The following TNFAIP8 variants were observed in gnomAD, a reference collection of about 807,000 sequenced individuals.
TNFAIP8 encodes the protein TNF alpha induced protein 8, also known as tumor necrosis factor alpha-induced protein 8.
TNFAIP8 carries 7 observed loss-of-function variants against 13.3 expected under a neutral mutation model. The ratio of observed to expected loss-of-function variants is 0.52; its 90% confidence interval spans 0.30 to 0.99. TNFAIP8 has a LOEUF of 0.99. Ranked by LOEUF, TNFAIP8 falls within the 50% of genes least tolerant of loss-of-function variation. TNFAIP8 has a pLI of 0.07. For synonymous variants in TNFAIP8, 94 were observed against 87.6 expected (o/e 1.07, Z -0.41); for missense variants, 258 against 236.9 (o/e 1.09, Z -0.58).
chr5:119,308,155 TTAGA>T (rs1268394078), intron 1 of TNFAIP8, among the ~76,000 whole-genome samples: 3 of 152,176 alleles, frequency 2.0e-5, no homozygotes, highest in African/African-American at 7.2e-5. Context: ...AATAATATTA[TTAGA>T]TAAATATTAC....
At chr5:119,342,814 C>T (rs139054356) in intron 1 of TNFAIP8, among the ~76,000 whole-genome samples, 5 of 152,262 alleles carry the variant, frequency 3.3e-5, no homozygotes, top group South Asian at 2.1e-4. Context: ...CTTTGGCTGG[C>T]GTTACTTTTT....
rs61219872 is a variant in TNFAIP8, at chr5:119,275,359, A to G, written c.1+6452A>G. Among the ~76,000 whole-genome samples, 932 of 152,320 alleles carry G rather than the reference A, an allele frequency of 6.1e-3. 13 individuals are homozygous for G. The highest frequency in any genetic ancestry group is 0.021 in the African/African-American group (866 of 41,572). On this transcript the variant is annotated intron_variant, in intron 1 of 1. Transcript: ENST00000274456. ...TTGAGTCACCAACAATGCTGACATC[A>G]TAAATCCAGTATGCCAGCTGACTTA...
intron 1 of TNFAIP8, among the ~76,000 whole-genome samples, chr5:119,299,262 T>C (rs1021748475): frequency 6.6e-6 from 1 of 152,192 alleles, no homozygotes; most frequent in African/African-American, 2.4e-5. Flanking sequence ...TCTTTGATGA[T>C]GGTGATGTAC....
chr5:119,347,192 G>T (rs1321403149), intron 1 of TNFAIP8, among the ~76,000 whole-genome samples: 3 of 152,190 alleles, frequency 2.0e-5, no homozygotes, highest in Non-Finnish European at 4.4e-5. Flanking sequence ...TGCTCACAGT[G>T]TAAAAGTCCA....
intron 1 of TNFAIP8, among the ~76,000 whole-genome samples, chr5:119,280,538 A>G (rs1013606576): frequency 6.6e-6 from 1 of 152,114 alleles, no homozygotes; most frequent in African/African-American, 2.4e-5. Flanking sequence ...ATCTGGATCC[A>G]GAGACTTGAT....
At chr5:119,299,512 C>G (rs1036189079) in intron 1 of TNFAIP8, among the ~76,000 whole-genome samples, 1 of 152,176 alleles carries the variant, frequency 6.6e-6, no homozygotes, top group Non-Finnish European at 1.5e-5. Flanking sequence ...TGTCAGTCTG[C>G]CTCTACTGGG....
rs1424645268 is a variant in TNFAIP8 at position 119,395,759 on chromosome 5, T to A, written c.*2378T>A. The A allele has an allele frequency of 6.6e-6, 1 of 152,158 alleles. No homozygotes were observed. The highest frequency in any genetic ancestry group is 2.4e-5 in the African/African-American group (1 of 41,440). The allele number at this position is 152,158 out of a possible 1,614,324, so 9.4% of individuals were successfully genotyped here. ...TACAATAGGACTCCCCTTGAGCATT[T>A]AGGGTGGCAAGGAGCGTGGGAGCTG... On this transcript the variant is annotated 3_prime_UTR_variant, in exon 2 of 2. Transcript: ENST00000504771.
intron 1 of TNFAIP8, among the ~76,000 whole-genome samples, chr5:119,322,713 G>A (rs570918538): frequency 2.0e-5 from 3 of 152,198 alleles, no homozygotes; most frequent in East Asian, 1.9e-4. Context: ...ATATCAAAAC[G>A]TTGGTATTTC....
Position 119,398,139 on chromosome 5 carries a change from A to G in TNFAIP8, c.*4758A>G, listed in dbSNP as rs574430192. The G allele has an allele frequency of 2.9e-4, 44 of 152,376 alleles. No homozygotes were observed. Among genetic ancestry groups the G allele is most frequent in the African/African-American group, 1.0e-3 (43 of 41,590 alleles). 9.4% of individuals were successfully genotyped at this position (152,376 alleles called of 1,614,324 possible). ...GAGATCTTTATAAGATTAGACAGCC[A>G]GTGGATAAGGCCCCTTATCTTTCTT... On this transcript the variant is annotated 3_prime_UTR_variant, in exon 2 of 2. Coordinates refer to ENST00000504771, the MANE Select transcript of TNFAIP8 (RefSeq NM_014350.4).
intron 1 of TNFAIP8, among the ~76,000 whole-genome samples, chr5:119,343,793 G>T (rs375786413): frequency 6.6e-6 from 1 of 152,294 alleles, no homozygotes; most frequent in South Asian, 2.1e-4. Flanking sequence ...ACCTGAGTAT[G>T]GCTTTGGGTA....
upstream of TNFAIP8, chr5:119,355,792 C>T: frequency 6.1e-6 from 3 of 494,134 alleles, no homozygotes; most frequent in Non-Finnish European, 8.2e-6. Flanking sequence ...GCCCCACCTG[C>T]GTGCGCCCGG....
At chr5:119,341,336 A>G (rs568834790) in intron 1 of TNFAIP8, among the ~76,000 whole-genome samples, 4 of 152,318 alleles carry the variant, frequency 2.6e-5, no homozygotes, top group African/African-American at 9.6e-5. Context: ...CTATGTGAAC[A>G]ATCTCAAGTC....
chr5:119,390,968 G>A (rs149192768), intron 1 of TNFAIP8, among the ~76,000 whole-genome samples: 2,665 of 149,260 alleles, frequency 0.018, 73 homozygotes, highest in African/African-American at 0.061. Flanking sequence ...ACAGGTGCAT[G>A]CCACCACACC....
chr5:119,387,895 G>A (rs934979547), intron 1 of TNFAIP8, among the ~76,000 whole-genome samples: 8 of 152,062 alleles, frequency 5.3e-5, no homozygotes, highest in African/African-American at 1.7e-4. Flanking sequence ...TTTAAATACA[G>A]CATTATTCTT....
chr5:119,309,196 C>T (rs1276773754), intron 1 of TNFAIP8, among the ~76,000 whole-genome samples: 1 of 152,212 alleles, frequency 6.6e-6, no homozygotes, highest in African/African-American at 2.4e-5. Context: ...TACTTTCTCA[C>T]CTTCAGTGAC....
chr5:119,272,348 T>G (rs554180133), intron 1 of TNFAIP8, among the ~76,000 whole-genome samples: 1 of 152,200 alleles, frequency 6.6e-6, no homozygotes, highest in Non-Finnish European at 1.5e-5. Flanking sequence ...ACCCTTCTCA[T>G]GTTTACATGA....
rs1412149791 is a variant in TNFAIP8, at chr5:119,300,637, T to A, written c.1+31730T>A. On this transcript the variant is annotated intron_variant, in intron 1 of 1. Transcript: ENST00000274456. Reference sequence around the variant, plus strand: ...ATAATTAACATTCTTAAAAAGGTAGTTTTTTGTTCCCGTTTTGCAATGAGG... The same window carrying A: ...ATAATTAACATTCTTAAAAAGGTAGATTTTTGTTCCCGTTTTGCAATGAGG... Among the ~76,000 whole-genome samples, 4 of 152,154 alleles carry A rather than the reference T, an allele frequency of 2.6e-5. No individual in the cohort carries two copies. The East Asian group carries it at 7.7e-4, about 29-fold the overall frequency.
intron 1 of TNFAIP8, among the ~76,000 whole-genome samples, chr5:119,323,133 A>T (rs937924758): frequency 6.6e-6 from 1 of 152,154 alleles, no homozygotes; most frequent in African/African-American, 2.4e-5. Flanking sequence ...CACTGCTGCC[A>T]TCTCTTTCCT....
intron 1 of TNFAIP8, among the ~76,000 whole-genome samples, chr5:119,300,097 G>A (rs182289244): frequency 0.01 from 1,552 of 152,294 alleles, 17 homozygotes; most frequent in African/African-American, 0.035. Flanking sequence ...TTCGGCTCGC[G>A]CACGGTGCGC....
Sources: gnomAD v4.1 joint callset for allele counts (sites outside exome capture counted in the v4.1 genomes callset) on GRCh38, gnomAD v4.1.1 for gene constraint, MANE v1.5 for transcripts, NCBI Gene and HGNC (gene_info 2026-07-23, HGNC 2026-07-21) for gene names.